CSMD2: variants seen among roughly 807,000 people sequenced by gnomAD.
The protein encoded by CSMD2 is CUB and Sushi multiple domains 2.
In CSMD2, 130 loss-of-function variants were observed where a neutral mutation model predicts 398.5. That is an observed-to-expected ratio of 0.33 (90% CI 0.28 to 0.38). The LOEUF is 0.38. Ranked by LOEUF, CSMD2 falls within the 10% of genes least tolerant of loss-of-function variation. CSMD2 has a pLI of 1.00. For synonymous variants in CSMD2, 1,828 were observed against 1,908.5 expected, an observed-to-expected ratio of 0.96 and a Z score of 1.10; for missense variants, 3,829 against 4,764.9, an observed-to-expected ratio of 0.80 and a Z score of 5.78.
At chr1:33,686,473 G>C (rs1199632344) in intron 25 of CSMD2, among the ~76,000 whole-genome samples, 2 of 152,184 alleles carry the variant, frequency 1.3e-5, no homozygotes, top group Non-Finnish European at 2.9e-5. Context: ...AGATGCTGTA[G>C]GTATTACCAG....
intron 6 of CSMD2, among the ~76,000 whole-genome samples, chr1:33,834,423 G>T (rs1163462798): frequency 1.2e-5 from 1 of 85,718 alleles, no homozygotes; most frequent in Non-Finnish European, 2.0e-5. Flanking sequence ...TTTAATAAAT[G>T]GTGCTGGGAA....
intron 44 of CSMD2, among the ~76,000 whole-genome samples, chr1:33,595,356 C>T (rs1000070908): frequency 6.6e-6 from 1 of 152,208 alleles, no homozygotes; most frequent in Non-Finnish European, 1.5e-5. Context: ...GGAAGTGATG[C>T]TGGCTTCTTC....
At chr1:33,600,126 A>T in intron 44 of CSMD2, 2 of 712,302 alleles carry the variant, frequency 2.8e-6, no homozygotes, top group Non-Finnish European at 5.2e-6. Context: ...ACAGGTGAAG[A>T]AACTGAAGTC....
At chr1:33,707,829 A>G (rs1645856464) in intron 22 of CSMD2, among the ~76,000 whole-genome samples, 1 of 152,134 alleles carries the variant, frequency 6.6e-6, no homozygotes, top group Non-Finnish European at 1.5e-5. Flanking sequence ...CATTTATCAC[A>G]TCTGGAGATA....
chr1:34,033,099 G>A (rs1461932759), intron 2 of CSMD2, among the ~76,000 whole-genome samples: 2 of 152,210 alleles, frequency 1.3e-5, no homozygotes, highest in Admixed American at 6.5e-5. Flanking sequence ...GGGAAATAGA[G>A]CCAACTCTAA....
chr1:33,834,022 C>G (rs887661811), intron 6 of CSMD2, among the ~76,000 whole-genome samples: 3 of 147,202 alleles, frequency 2.0e-5, no homozygotes, highest in Non-Finnish European at 3.0e-5. Flanking sequence ...AATGGAAGAA[C>G]ATTCCATGCT....
intron 3 of CSMD2, among the ~76,000 whole-genome samples, chr1:33,941,232 C>T (rs986537099): frequency 1.3e-5 from 2 of 152,220 alleles, no homozygotes; most frequent in Non-Finnish European, 2.9e-5. Context: ...GTAATATTCT[C>T]AGTGATTGCA....
chr1:33,580,907 G>C lies in CSMD2; in HGVS notation c.7241-8C>G, dbSNP rs373065030. The C allele has an allele frequency of 1.9e-6, 3 of 1,613,746 alleles. No individual in the cohort carries two copies. Among genetic ancestry groups the C allele is most frequent in the African/African-American group, 2.7e-5 (2 of 75,038 alleles). Reference sequence around the variant, plus strand: ...GACTCTGTCCTGATGGACCTGGGGTGAGAAGGACGCAGGATTACAGACCAT... The same window carrying C: ...GACTCTGTCCTGATGGACCTGGGGTCAGAAGGACGCAGGATTACAGACCAT... On this transcript the variant is annotated splice_region_variant and splice_polypyrimidine_tract_variant and intron_variant, in intron 47 of 70. Transcript: ENST00000373381.
chr1:33,717,430 G>A (rs1646210078), intron 19 of CSMD2, among the ~76,000 whole-genome samples: 1 of 151,976 alleles, frequency 6.6e-6, no homozygotes, highest in Non-Finnish European at 1.5e-5. Flanking sequence ...GGGTAGGGTA[G>A]CCAAGACAGC....
At chr1:33,930,670 C>T (rs899204381) in intron 4 of CSMD2, among the ~76,000 whole-genome samples, 1 of 152,196 alleles carries the variant, frequency 6.6e-6, no homozygotes, top group Admixed American at 6.5e-5. Flanking sequence ...AGGCCTGTTG[C>T]TGAAATCCAC....
intron 1 of CSMD2, among the ~76,000 whole-genome samples, chr1:34,146,790 A>G (rs72888126): frequency 0.023 from 3,532 of 152,242 alleles, 132 homozygotes; most frequent in African/African-American, 0.081. Context: ...TTGGGAGAGT[A>G]AAGTTTCTGG....
At chr1:33,664,310 A>G (rs768889754) in intron 25 of CSMD2, among the ~76,000 whole-genome samples, 5 of 152,170 alleles carry the variant, frequency 3.3e-5, no homozygotes, top group Non-Finnish European at 7.3e-5. Flanking sequence ...GTAGTTTTCT[A>G]TAACTTTCTT....
chr1:33,801,115 C>T (rs753049148), intron 10 of CSMD2, among the ~76,000 whole-genome samples: 2 of 152,284 alleles, frequency 1.3e-5, no homozygotes, highest in Admixed American at 6.5e-5. Context: ...ATAATCAAAA[C>T]GCTGTTATCT....
intron 28 of CSMD2, among the ~76,000 whole-genome samples, chr1:33,649,525 T>C (rs1254203107): frequency 1.3e-5 from 2 of 152,094 alleles, no homozygotes; most frequent in Non-Finnish European, 2.9e-5. Context: ...GCACCTGTAA[T>C]CCCAGCTACT....
At chr1:33,907,609 C>T (rs746101238) in intron 5 of CSMD2, among the ~76,000 whole-genome samples, 10 of 152,070 alleles carry the variant, frequency 6.6e-5, no homozygotes, top group Non-Finnish European at 1.2e-4. Context: ...TCCATGAAGC[C>T]ACCTCATTTT....
At chr1:33,637,884 A>G (rs1642897796) in intron 29 of CSMD2, among the ~76,000 whole-genome samples, 1 of 152,124 alleles carries the variant, frequency 6.6e-6, no homozygotes, top group African/African-American at 2.4e-5. Flanking sequence ...ATGGCTCAGG[A>G]GGAATTTTGC....
intron 3 of CSMD2, among the ~76,000 whole-genome samples, chr1:33,952,274 GT>G (rs1311814925): frequency 6.6e-6 from 1 of 152,226 alleles, no homozygotes; most frequent in Admixed American, 6.5e-5. Context: ...TACAGAACCA[GT>G]GGTATTAAGC....
chr1:33,795,125 T>C (rs1310433141), intron 10 of CSMD2, among the ~76,000 whole-genome samples: 2 of 151,872 alleles, frequency 1.3e-5, no homozygotes. Context: ...TAGCAAGGTC[T>C]AGGTGAGGTG....
chr1:33,855,936 G>C (rs1639053153), intron 5 of CSMD2, among the ~76,000 whole-genome samples: 2 of 152,186 alleles, frequency 1.3e-5, no homozygotes, highest in Non-Finnish European at 2.9e-5. Flanking sequence ...AAAGGTTAAG[G>C]GTTAAGGGCC....
Sources: allele counts gnomAD v4.1 joint callset (sites outside exome capture counted in the v4.1 genomes callset), GRCh38; gene constraint gnomAD v4.1.1; transcripts MANE v1.5; gene names NCBI Gene and HGNC (gene_info 2026-07-23, HGNC 2026-07-21).